The following GAGE10 variants were observed in gnomAD, a reference collection of about 807,000 sequenced individuals.
GAGE10 encodes the protein G antigen 10.
GAGE10 carries 9 observed loss-of-function variants against 11.5 expected under a neutral mutation model. The observed-to-expected ratio is 0.78, with a 90% CI of 0.47 to 1.37. The LOEUF is 1.37. GAGE10 is among the 40% of genes most tolerant of loss of function. The pLI, the probability that GAGE10 is intolerant of heterozygous loss-of-function variation, is 0.00. For synonymous variants in GAGE10, 23 were observed against 29.7 expected, an observed-to-expected ratio of 0.77 and a Z score of 0.73; for missense variants, 83 against 92.9, an observed-to-expected ratio of 0.89 and a Z score of 0.44.
At chrX:49,314,335 T>G (rs1180731104) in intron 3 of GAGE10, among the ~76,000 whole-genome samples, 3 of 112,322 alleles carry the variant, frequency 2.7e-5, no homozygotes. Flanking sequence ...CAAGAGAGGC[T>G]TAGCAGGACC....
intron 4 of GAGE10, among the ~76,000 whole-genome samples, chrX:49,317,565 C>T (rs1385039822): frequency 2.7e-5 from 3 of 111,311 alleles, no homozygotes; most frequent in Admixed American, 9.6e-5. Flanking sequence ...ACAGGTTGTT[C>T]CCGAACTCCT....
chrX:49,317,888 C>T (rs2066400340), intron 4 of GAGE10, among the ~76,000 whole-genome samples: 1 of 78,621 alleles, frequency 1.3e-5, no homozygotes, highest in African/African-American at 4.7e-5. Flanking sequence ...ATACATAACA[C>T]GTTTGTAACA....
At chrX:49,305,059 A>G in intron 2 of GAGE10, 119 bp downstream of exon 2, 2 of 1,003,356 alleles carry the variant, frequency 2.0e-6, no homozygotes, top group Non-Finnish European at 2.7e-6. Context: ...AAAAATGATG[A>G]TGGCGTCTCA....
chrX:49,309,709 A>G (rs2066369588), intron 3 of GAGE10, among the ~76,000 whole-genome samples: 2 of 112,137 alleles, frequency 1.8e-5, no homozygotes, highest in South Asian at 7.4e-4. Flanking sequence ...AGGAGGGAAT[A>G]GAGACCCCTC....
rs182968375 is a variant in GAGE10 at position 49,306,575 on chromosome X, C to T, written c.202+1051C>T. 1.3e-4 allele frequency among the ~76,000 whole-genome samples: 15 copies of T among 111,929 alleles called. No individual in the cohort carries two copies. In the East Asian group the frequency reaches 3.3e-3, roughly 25 times the overall value. On this transcript the variant is annotated intron_variant, in intron 3 of 4. Transcript: ENST00000407599. ...CAGAAATTGACATTGTAATTGTAAC[C>T]GAAATCCTATCCATGTGGTAGACTT...
At chrX:49,316,769 A>G (rs2066393227) in intron 3 of GAGE10, among the ~76,000 whole-genome samples, 1 of 111,659 alleles carries the variant, frequency 9.0e-6, no homozygotes. Flanking sequence ...TGTCTTTTTT[A>G]AAGACCTTTT....
In GAGE10 at chrX:49,304,708, A is replaced by G. The variant is rs782111606; in HGVS notation, c.-8-144A>G. 2,574 of 824,187 alleles carry G rather than the reference A, an allele frequency of 3.1e-3. 36 individuals are homozygous for G. In the African/African-American group the frequency reaches 0.046, roughly 15 times the overall value. The allele number at this position is 824,187 out of a possible 1,213,427, so 67.9% of individuals were successfully genotyped here. ...AAGTGGCTTTGTAGGCACTCAGAAA[A>G]GGTACACACATATGCTTAACTCTGG... On this transcript the variant is annotated intron_variant, in intron 1 of 4. Coordinates refer to ENST00000407599, the MANE Select transcript of GAGE10 (RefSeq NM_001098413.4).
chrX:49,316,581 C>A (rs782613529), intron 3 of GAGE10, among the ~76,000 whole-genome samples: 1 of 111,457 alleles, frequency 9.0e-6, no homozygotes, highest in Non-Finnish European at 1.9e-5. Context: ...TGATAGAATT[C>A]CTTTTTCTGA....
intron 4 of GAGE10, 128 bp downstream of exon 4, chrX:49,317,416 CG>C (rs782410822): frequency 9.9e-7 from 1 of 1,011,642 alleles, no homozygotes; most frequent in East Asian, 3.5e-5. Context: ...GGTGGCATCT[CG>C]GCTCATTGGA....
chrX:49,306,334 T>TGC (rs371488369), intron 3 of GAGE10, among the ~76,000 whole-genome samples: 1 of 112,174 alleles, frequency 8.9e-6, no homozygotes, highest in Admixed American at 9.4e-5. Flanking sequence ...TTATTCTCAG[T>TGC]GTGGGACAGT....
chrX:49,304,301 A>G (rs1334642720), intron 1 of GAGE10, among the ~76,000 whole-genome samples: 1 of 112,678 alleles, frequency 8.9e-6, no homozygotes, highest in Non-Finnish European at 1.9e-5. Context: ...AAGGACTGGG[A>G]GAGGCTGTGC....
At chrX:49,306,844 C>T (rs1200724285) in intron 3 of GAGE10, among the ~76,000 whole-genome samples, 3 of 111,150 alleles carry the variant, frequency 2.7e-5, no homozygotes, top group Non-Finnish European at 5.7e-5. Flanking sequence ...AATAAACAAA[C>T]AAACAAACAA....
intron 3 of GAGE10, among the ~76,000 whole-genome samples, chrX:49,306,395 C>T (rs1241772208): frequency 2.7e-5 from 3 of 111,550 alleles, no homozygotes; most frequent in Non-Finnish European, 5.6e-5. Context: ...TTGTTCTTCA[C>T]GGGGTTCATT....
chrX:49,317,389 C>T (rs1221026640), intron 4 of GAGE10, 101 bp downstream of exon 4: 51 of 1,093,576 alleles, frequency 4.7e-5, no homozygotes, highest in Non-Finnish European at 6.0e-5. Flanking sequence ...GCTCTGTCCA[C>T]CAGGCTGGAG....
intron 3 of GAGE10, among the ~76,000 whole-genome samples, chrX:49,310,675 C>T (rs2066373536): frequency 9.1e-6 from 1 of 109,700 alleles, no homozygotes; most frequent in South Asian, 4.0e-4. Context: ...CCTATGGTCT[C>T]TATGGAAGTA....
chrX:49,317,391 A>G, intron 4 of GAGE10, 103 bp downstream of exon 4: 1 of 1,083,504 alleles, frequency 9.2e-7, no homozygotes, highest in South Asian at 2.0e-5. Flanking sequence ...TCTGTCCACC[A>G]GGCTGGAGTG....
intron 3 of GAGE10, among the ~76,000 whole-genome samples, chrX:49,315,668 G>C (rs1274895968): frequency 8.9e-6 from 1 of 112,478 alleles, no homozygotes; most frequent in African/African-American, 3.2e-5. Context: ...CCTAGAAATC[G>C]ATGATAATGG....
intron 3 of GAGE10, among the ~76,000 whole-genome samples, chrX:49,307,755 C>CA (rs1441766387): frequency 4.5e-5 from 5 of 112,248 alleles, no homozygotes; most frequent in Non-Finnish European, 9.4e-5. Flanking sequence ...CTTGGCATCC[C>CA]AAAATGTTTG....
At chrX:49,304,173 C>T (rs2066347102) in intron 1 of GAGE10, among the ~76,000 whole-genome samples, 2 of 111,944 alleles carry the variant, frequency 1.8e-5, no homozygotes, top group Admixed American at 1.9e-4. Context: ...AAGAAGGGAC[C>T]TGGCACCTGG....
Sources: allele counts gnomAD v4.1 joint callset (sites outside exome capture counted in the v4.1 genomes callset), GRCh38; gene constraint gnomAD v4.1.1; transcripts MANE v1.5; gene names NCBI Gene and HGNC (gene_info 2026-07-23, HGNC 2026-07-21).